Variants in ZNF407 observed in about 807,000 individuals in gnomAD.
ZNF407 encodes zinc finger protein 407.
ZNF407 carries 17 observed loss-of-function variants against 131.2 expected under a neutral mutation model. The ratio of observed to expected loss-of-function variants is 0.13; its 90% CI spans 0.09 to 0.19. The LOEUF (loss-of-function observed/expected upper bound fraction) is 0.19. Among genes scored for constraint, ZNF407 ranks in the 10% least tolerant of loss-of-function variants. The pLI, the probability that ZNF407 is intolerant of heterozygous loss-of-function variation, is 1.00. For synonymous variants in ZNF407, 1,156 were observed against 1,062.0 expected (o/e 1.09, Z -1.72); for missense variants, 2,681 against 2,830.6 (o/e 0.95, Z 1.20).
At chr18:74,666,368 C>T (rs550715989) in intron 3 of ZNF407, among the ~76,000 whole-genome samples, 1 of 152,238 alleles carries the variant, frequency 6.6e-6, no homozygotes, top group African/African-American at 2.4e-5. Flanking sequence ...TTCCTGGGCA[C>T]TCTGTGTTCA....
At chr18:74,926,694 T>C (rs1207749807) in intron 8 of ZNF407, among the ~76,000 whole-genome samples, 2 of 152,066 alleles carry the variant, frequency 1.3e-5, no homozygotes, top group South Asian at 2.1e-4. Flanking sequence ...TCCCAGCTAC[T>C]TGGGAGGCTG....
intron 3 of ZNF407, among the ~76,000 whole-genome samples, chr18:74,766,302 G>A (rs904130933): frequency 2.6e-5 from 4 of 152,212 alleles, no homozygotes; most frequent in Non-Finnish European, 4.4e-5. Context: ...GCCTTGGACA[G>A]TGGTGGTATG....
chr18:74,859,326 A>G (rs1465412989), intron 4 of ZNF407, among the ~76,000 whole-genome samples: 1 of 152,242 alleles, frequency 6.6e-6, no homozygotes, highest in East Asian at 1.9e-4. Context: ...AAACAAATGA[A>G]AAAGACTAGA....
intron 3 of ZNF407, among the ~76,000 whole-genome samples, chr18:74,711,531 G>C (rs1481774359): frequency 6.6e-6 from 1 of 152,166 alleles, no homozygotes; most frequent in Non-Finnish European, 1.5e-5. Flanking sequence ...TCATCCCTTA[G>C]AGGTTCCAGA....
intron 7 of ZNF407, among the ~76,000 whole-genome samples, chr18:74,901,999 G>A (rs976179483): frequency 2.0e-5 from 3 of 151,734 alleles, no homozygotes; most frequent in Non-Finnish European, 4.4e-5. Context: ...AAGTGAGTCC[G>A]TGTTGTAAAA....
Position 74,871,167 on chromosome 18 carries a change from C to T in ZNF407, c.4878-6030C>T, listed in dbSNP as rs145637349. On this transcript the variant is annotated intron_variant, in intron 4 of 8. Transcript: ENST00000299687. ...GGCATGGTGGCCGGTCGGCAGTGCT[C>T]GTCCCTGTGTGCCTTCTGTGTGCTG... Among the ~76,000 whole-genome samples the T allele has an allele frequency of 9.7e-4, 147 of 152,270 alleles. 2 individuals are homozygous for T. Among genetic ancestry groups the T allele is most frequent in the African/African-American group, 3.3e-3 (137 of 41,550 alleles).
At chr18:74,622,170 G>A (rs1233417083) in intron 1 of ZNF407, among the ~76,000 whole-genome samples, 1 of 152,146 alleles carries the variant, frequency 6.6e-6, no homozygotes, top group Admixed American at 6.5e-5. Flanking sequence ...AGGGTGGAGT[G>A]CAGCGCCCTT....
intron 4 of ZNF407, among the ~76,000 whole-genome samples, chr18:74,867,676 G>T (rs569555543): frequency 1.1e-4 from 16 of 152,312 alleles, no homozygotes; most frequent in African/African-American, 3.6e-4. Context: ...GTTTGGGATA[G>T]TTGATTCTAT....
chr18:74,718,899 T>A (rs932219738), intron 3 of ZNF407, among the ~76,000 whole-genome samples: 5 of 152,220 alleles, frequency 3.3e-5, no homozygotes, highest in Non-Finnish European at 7.3e-5. Flanking sequence ...CCATTTTATT[T>A]TTAATAATAT....
chr18:74,625,253 T>G lies in ZNF407; in HGVS notation c.-53-5714T>G, dbSNP rs192274835. Among the ~76,000 whole-genome samples the G allele has an allele frequency of 2.6e-5, 4 of 152,356 alleles. No individual in the cohort carries two copies. The East Asian group carries it at 7.7e-4, about 29-fold the overall frequency. Reference sequence around the variant, plus strand: ...TTATTTAGAAGATTAAGGCTCTCATTATTTTGCTTCTTAGTTGTCATTCTT... The same window carrying G: ...TTATTTAGAAGATTAAGGCTCTCATGATTTTGCTTCTTAGTTGTCATTCTT... On this transcript the variant is annotated intron_variant, in intron 1 of 8. Coordinates refer to ENST00000299687, the MANE Select transcript of ZNF407 (RefSeq NM_017757.3).
In ZNF407 at chr18:74,685,862, A is replaced by C. The variant is rs1967085610; in HGVS notation, c.4802+44740A>C. ...GTTTCCCTTTGCCCCCATGGCATTG[A>C]TTTTCTAATACACTGTGCCATTTAG... On this transcript the variant is annotated intron_variant, in intron 3 of 8. Transcript: ENST00000299687. 2.6e-5 allele frequency among the ~76,000 whole-genome samples: 4 copies of C among 151,866 alleles called. No homozygotes were observed. In the South Asian group the frequency reaches 8.3e-4, roughly 31 times the overall value.
chr18:74,632,730 G>A lies in ZNF407; in HGVS notation c.1711G>A (p.Asp571Asn), dbSNP rs778691791. The change falls in exon 2 of 9, where the codon GAC becomes AAC. Residue 571 changes from aspartate to asparagine, a missense_variant. Physicochemically the swap from Asp to Asn is conservative, Grantham distance 23. This residue lies in a region of ZNF407 where 1,789 missense variants were observed against 1,748.7 expected (regional missense o/e 1.02). Transcript: ENST00000299687. ...TCDFSSMSRRDLDEHLHSNQH... is the reference protein window; with the variant it reads ...TCDFSSMSRRNLDEHLHSNQH... ...TGACTTCTCTAGTATGTCAAGAAGG[G>A]ACTTAGATGAACATTTGCACAGTAA... The A allele has an allele frequency of 6.2e-7, 1 of 1,613,984 alleles. No individual in the cohort carries two copies. Among genetic ancestry groups the A allele is most frequent in the South Asian group, 1.1e-5 (1 of 91,074 alleles).
intron 8 of ZNF407, among the ~76,000 whole-genome samples, chr18:74,978,615 T>C (rs780779982): frequency 1.3e-5 from 2 of 151,682 alleles, no homozygotes; most frequent in Non-Finnish European, 1.5e-5. Flanking sequence ...TGAGGCTCTT[T>C]AGCGAGGAGG....
intron 8 of ZNF407, among the ~76,000 whole-genome samples, chr18:75,033,414 A>G (rs1973269330): frequency 6.6e-6 from 1 of 152,218 alleles, no homozygotes; most frequent in African/African-American, 2.4e-5. Context: ...CGAAAAATTT[A>G]CTGTATCGGT....
At chr18:74,647,301 G>C (rs964333849) in intron 3 of ZNF407, among the ~76,000 whole-genome samples, 14 of 152,078 alleles carry the variant, frequency 9.2e-5, no homozygotes, top group African/African-American at 2.9e-4. Flanking sequence ...ATAATTAGCT[G>C]TGTGTGGTGG....
chr18:75,039,113 CT>C (rs1217051976), intron 8 of ZNF407, among the ~76,000 whole-genome samples: 1 of 152,198 alleles, frequency 6.6e-6, no homozygotes, highest in African/African-American at 2.4e-5. Flanking sequence ...GCAGGCTTAC[CT>C]TCACATCTTT....
intron 8 of ZNF407, chr18:75,060,282 G>A (rs1172819543): frequency 6.6e-6 from 1 of 152,190 alleles, no homozygotes; most frequent in Non-Finnish European, 1.5e-5. Context: ...CGAACATTTT[G>A]GTCCCTCTTC....
rs199687681 is a variant in ZNF407 at position 74,691,453 on chromosome 18, A to AT, written c.4802+50339dup. The stretch of plus-strand genomic sequence containing the variant: ...ATAGTGTTTGATCACTTTGGCTAAA[A>AT]TTTTTTTTGTTGTTTTTTACAAATT... On this transcript the variant is annotated intron_variant, in intron 3 of 8. Coordinates refer to ENST00000299687, the MANE Select transcript of ZNF407 (RefSeq NM_017757.3). Among the ~76,000 whole-genome samples the AT allele has an allele frequency of 1.5e-4, 22 of 150,018 alleles. No homozygotes were observed. The East Asian group carries it at 1.6e-3, about 11-fold the overall frequency.
At chr18:74,976,005 TTAAC>T (rs751069857) in intron 8 of ZNF407, among the ~76,000 whole-genome samples, 31 of 152,346 alleles carry the variant, frequency 2.0e-4, no homozygotes, top group Middle Eastern at 6.8e-3. Context: ...TGTATTTTAA[TTAAC>T]TAAATTTAAA....
Sources: allele counts gnomAD v4.1 joint callset (sites outside exome capture counted in the v4.1 genomes callset), GRCh38; gene constraint gnomAD v4.1.1; regional missense constraint gnomAD v4.1.1; transcripts MANE v1.5; gene names NCBI Gene and HGNC (gene_info 2026-07-23, HGNC 2026-07-21).